The following C1orf21 variants were observed in gnomAD, a reference collection of about 807,000 sequenced individuals.
The protein encoded by C1orf21 is uncharacterized protein C1orf21.
C1orf21 carries 3 observed loss-of-function variants against 18.7 expected under a neutral mutation model. The observed-to-expected ratio is 0.16, with a 90% confidence interval of 0.07 to 0.42. The LOEUF is 0.42. Ranked by LOEUF, C1orf21 falls within the 10% of genes least tolerant of loss-of-function variation. The pLI, the probability that C1orf21 is intolerant of heterozygous loss-of-function variation, is 0.99. For missense variants in C1orf21, 104 were observed against 143.6 expected, an observed-to-expected ratio of 0.72 and a Z score of 1.41; for synonymous variants, 41 against 46.4, an observed-to-expected ratio of 0.88 and a Z score of 0.47.
chr1:184,398,967 A>G (rs1050551070), intron 1 of C1orf21, among the ~76,000 whole-genome samples: 6 of 151,352 alleles, frequency 4.0e-5, no homozygotes, highest in African/African-American at 1.5e-4. Context: ...TAATATTATT[A>G]TCATGTCTAA....
intron 2 of C1orf21, among the ~76,000 whole-genome samples, chr1:184,491,982 A>G (rs1241650396): frequency 2.0e-5 from 3 of 152,246 alleles, no homozygotes; most frequent in East Asian, 1.9e-4. Context: ...GAGTTTGACA[A>G]TGACTAATTT....
At chr1:184,504,054 C>G (rs1658015795) in intron 2 of C1orf21, among the ~76,000 whole-genome samples, 1 of 152,084 alleles carries the variant, frequency 6.6e-6, no homozygotes, top group Non-Finnish European at 1.5e-5. Flanking sequence ...TTGATCAATG[C>G]CACTGAACAA....
chr1:184,513,483 C>T (rs1205755038), intron 3 of C1orf21, among the ~76,000 whole-genome samples: 5 of 152,176 alleles, frequency 3.3e-5, no homozygotes. Flanking sequence ...GGTTGATAAG[C>T]GTATGAAAAT....
chr1:184,491,754 G>A (rs1657820285), intron 2 of C1orf21, among the ~76,000 whole-genome samples: 1 of 152,188 alleles, frequency 6.6e-6, no homozygotes, highest in South Asian at 2.1e-4. Flanking sequence ...GGCTTTGCTA[G>A]CTCACATGAC....
intron 5 of C1orf21, among the ~76,000 whole-genome samples, chr1:184,613,976 C>T (rs1171201162): frequency 2.0e-5 from 3 of 152,056 alleles, no homozygotes; most frequent in Non-Finnish European, 4.4e-5. Flanking sequence ...CACTGCACTC[C>T]AGCCTGGGTG....
chr1:184,437,907 C>T (rs1358045098), intron 1 of C1orf21, among the ~76,000 whole-genome samples: 1 of 152,020 alleles, frequency 6.6e-6, no homozygotes, highest in African/African-American at 2.4e-5. Flanking sequence ...GAGCGCACAA[C>T]CTAGATCCCT....
At chr1:184,477,795 C>T (rs542696902) in intron 2 of C1orf21, among the ~76,000 whole-genome samples, 192 bp downstream of exon 2, 7 of 152,154 alleles carry the variant, frequency 4.6e-5, no homozygotes, top group Non-Finnish European at 8.8e-5. Flanking sequence ...GTGTTGGGAA[C>T]ATTTCAAAAC....
chr1:184,613,190 TC>T lies in C1orf21; in HGVS notation c.328-6326del, dbSNP rs201774418. ...GTCTCGAACTCTTGACCTCAAGTGA[TC>T]CACCCACCTCGGCCTCCCAAAGTGC... On this transcript the variant is annotated intron_variant, in intron 5 of 5. Transcript: ENST00000235307. Among the ~76,000 whole-genome samples, 421 of 152,334 alleles carry T rather than the reference TC, an allele frequency of 2.8e-3. 3 individuals carry two copies. In the East Asian group the frequency reaches 0.038, roughly 14 times the overall value.
intron 1 of C1orf21, among the ~76,000 whole-genome samples, chr1:184,419,019 G>A (rs1174823407): frequency 6.6e-6 from 1 of 152,176 alleles, no homozygotes; most frequent in Non-Finnish European, 1.5e-5. Context: ...GCACTCTAGA[G>A]GCTTTCCATA....
chr1:184,566,535 C>T (rs1659038096), intron 3 of C1orf21: 1 of 347,392 alleles, frequency 2.9e-6, no homozygotes, highest in Non-Finnish European at 5.6e-6. Context: ...GAGAAGAGTC[C>T]TAACACACAG....
chr1:184,478,110 T>G (rs1194710928), intron 2 of C1orf21, among the ~76,000 whole-genome samples: 2 of 152,096 alleles, frequency 1.3e-5, no homozygotes, highest in Non-Finnish European at 2.9e-5. Flanking sequence ...CCAGCAGAAT[T>G]TAAATTGGTG....
chr1:184,616,729 G>A (rs1347264374), intron 5 of C1orf21, among the ~76,000 whole-genome samples: 1 of 150,856 alleles, frequency 6.6e-6, no homozygotes, highest in Non-Finnish European at 1.5e-5. Context: ...GTGTGCACGT[G>A]TGTGTGTGTG....
intron 4 of C1orf21, among the ~76,000 whole-genome samples, chr1:184,597,388 G>A (rs982594032): frequency 3.9e-5 from 6 of 152,134 alleles, no homozygotes; most frequent in African/African-American, 1.4e-4. Flanking sequence ...AGGAGGCCTG[G>A]AGGGTTTCAG....
At chr1:184,510,063 A>G (rs1021639006) in intron 3 of C1orf21, among the ~76,000 whole-genome samples, 6 of 152,252 alleles carry the variant, frequency 3.9e-5, no homozygotes, top group Admixed American at 6.5e-5. Context: ...AGAGTTAGGC[A>G]TCATCATACA....
At position 184,511,398 on chromosome 1, in the gene C1orf21, AG is replaced by A. The variant is rs139367034; in HGVS notation, c.189+3719del. Among the ~76,000 whole-genome samples, 79 of 152,292 alleles carry A rather than the reference AG, an allele frequency of 5.2e-4. No individual in the cohort carries two copies. In the East Asian group the frequency reaches 0.015, roughly 28 times the overall value. On this transcript the variant is annotated intron_variant, in intron 3 of 5. Coordinates refer to ENST00000235307, the MANE Select transcript of C1orf21 (RefSeq NM_030806.4). The stretch of plus-strand genomic sequence containing the variant: ...CATGTGACCTAAATTACCACAATTC[AG>A]GGTACTATGTGAAAATAGAGGTTGG...
chr1:184,491,973 A>C (rs1040872987), intron 2 of C1orf21, among the ~76,000 whole-genome samples: 2 of 152,238 alleles, frequency 1.3e-5, no homozygotes, highest in African/African-American at 4.8e-5. Flanking sequence ...CATGATGCAG[A>C]GTTTGACAAT....
intron 2 of C1orf21, among the ~76,000 whole-genome samples, chr1:184,491,647 C>T (rs535600175): frequency 2.6e-5 from 4 of 152,268 alleles, no homozygotes; most frequent in South Asian, 2.1e-4. Flanking sequence ...CCACTGTGCC[C>T]GGCCCTTTTC....
intron 1 of C1orf21, among the ~76,000 whole-genome samples, chr1:184,442,326 A>G (rs753335139): frequency 6.6e-6 from 1 of 152,188 alleles, no homozygotes; most frequent in Admixed American, 6.5e-5. Context: ...TTCTGATTCT[A>G]CTAGTAAAAT....
At chr1:184,607,860 T>TA (rs1659671964) in intron 5 of C1orf21, among the ~76,000 whole-genome samples, 1 of 152,060 alleles carries the variant, frequency 6.6e-6, no homozygotes, top group African/African-American at 2.4e-5. Flanking sequence ...CCATGTACAT[T>TA]AAAAACACAC....
Sources: allele counts gnomAD v4.1 joint callset (sites outside exome capture counted in the v4.1 genomes callset), GRCh38; gene constraint gnomAD v4.1.1; transcripts MANE v1.5; gene names NCBI Gene and HGNC (gene_info 2026-07-23, HGNC 2026-07-21).